Variants in SH3BGRL observed in about 807,000 individuals in gnomAD.
SH3BGRL encodes the protein SH3 domain binding glutamate rich protein like.
In SH3BGRL, 7 loss-of-function variants were observed where a neutral mutation model predicts 9.8. That is an observed-to-expected ratio of 0.72 (90% CI 0.41 to 1.35). The LOEUF is 1.35. Among genes scored for constraint, SH3BGRL ranks in the 40% most tolerant of loss-of-function variants. SH3BGRL has a pLI of 0.01. For missense variants in SH3BGRL, 73 were observed against 84.4 expected, an observed-to-expected ratio of 0.86 and a Z score of 0.53; for synonymous variants, 36 against 29.1, an observed-to-expected ratio of 1.24 and a Z score of -0.76.
intron 1 of SH3BGRL, among the ~76,000 whole-genome samples, chrX:81,254,088 C>T (rs934994668): frequency 8.9e-6 from 1 of 111,927 alleles, no homozygotes; most frequent in African/African-American, 3.3e-5. Flanking sequence ...AAATCTCAGA[C>T]TCCACCATTC....
At chrX:81,249,114 A>T (rs1034798024) in intron 1 of SH3BGRL, among the ~76,000 whole-genome samples, 8 of 109,626 alleles carry the variant, frequency 7.3e-5, no homozygotes, top group Non-Finnish European at 1.3e-4. Context: ...TTGGGAAAAC[A>T]AAACAAAACA....
At chrX:81,288,762 G>A (rs1602630686) in intron 3 of SH3BGRL, among the ~76,000 whole-genome samples, 1 of 111,759 alleles carries the variant, frequency 8.9e-6, no homozygotes. Context: ...AAAATGTAAA[G>A]CATTGATGAA....
intron 1 of SH3BGRL, among the ~76,000 whole-genome samples, chrX:81,251,705 C>A (rs919981771): frequency 3.6e-5 from 4 of 111,914 alleles, no homozygotes; most frequent in African/African-American, 1.3e-4. Context: ...TAATGTCCCA[C>A]TAAACTTTAA....
At chrX:81,283,469 C>T (rs1296788500) in intron 3 of SH3BGRL, among the ~76,000 whole-genome samples, 1 of 111,688 alleles carries the variant, frequency 9.0e-6, no homozygotes, top group Non-Finnish European at 1.9e-5. Context: ...GATAATCCAC[C>T]ATGATCAAAT....
At chrX:81,272,020 C>G (rs971051714) in intron 1 of SH3BGRL, among the ~76,000 whole-genome samples, 2 of 108,828 alleles carry the variant, frequency 1.8e-5, no homozygotes, top group African/African-American at 6.7e-5. Flanking sequence ...TGGTGAAACC[C>G]TGTCTCTACT....
chrX:81,271,696 C>T (rs2075780224), intron 1 of SH3BGRL, among the ~76,000 whole-genome samples: 1 of 111,197 alleles, frequency 9.0e-6, no homozygotes, highest in Non-Finnish European at 1.9e-5. Context: ...AGGAGAACTT[C>T]CCCAATCTAG....
At chrX:81,270,388 A>T (rs192389431) in intron 1 of SH3BGRL, among the ~76,000 whole-genome samples, 1 of 111,502 alleles carries the variant, frequency 9.0e-6, no homozygotes, top group East Asian at 2.8e-4. Context: ...TTGCTGATCT[A>T]TGGATGTGGT....
At chrX:81,235,844 T>G (rs921672665) in intron 1 of SH3BGRL, among the ~76,000 whole-genome samples, 2 of 111,544 alleles carry the variant, frequency 1.8e-5, no homozygotes, top group Non-Finnish European at 1.9e-5. Context: ...TTGTGTAACA[T>G]GCCATCATTT....
intron 3 of SH3BGRL, among the ~76,000 whole-genome samples, chrX:81,287,868 G>T (rs953910900): frequency 1.8e-5 from 2 of 108,499 alleles, no homozygotes; most frequent in Non-Finnish European, 3.8e-5. Context: ...GGAACGAATA[G>T]TTCCAAAATC....
intron 1 of SH3BGRL, among the ~76,000 whole-genome samples, chrX:81,222,031 T>C (rs2075601442): frequency 8.9e-6 from 1 of 112,248 alleles, no homozygotes; most frequent in Non-Finnish European, 1.9e-5. Flanking sequence ...AATTTTCTCT[T>C]AGTAAATTCT....
chrX:81,253,953 G>C (rs920315284), intron 1 of SH3BGRL, among the ~76,000 whole-genome samples: 1 of 111,456 alleles, frequency 9.0e-6, no homozygotes, highest in Non-Finnish European at 1.9e-5. Flanking sequence ...TTGAGGATCA[G>C]GAAGCAGGTA....
chrX:81,279,842 C>T (rs1407478622), intron 3 of SH3BGRL, among the ~76,000 whole-genome samples: 1 of 111,358 alleles, frequency 9.0e-6, no homozygotes, highest in African/African-American at 3.3e-5. Flanking sequence ...GGCCAGAACT[C>T]GGGGGAGGGT....
chrX:81,272,083 G>A (rs893246367), intron 1 of SH3BGRL, among the ~76,000 whole-genome samples: 17 of 108,290 alleles, frequency 1.6e-4, no homozygotes, highest in Middle Eastern at 4.8e-3. Context: ...TGTAGTCCCA[G>A]CTACTCAGGA....
At chrX:81,240,724 G>A (rs2075665960) in intron 1 of SH3BGRL, among the ~76,000 whole-genome samples, 1 of 112,728 alleles carries the variant, frequency 8.9e-6, no homozygotes, top group Non-Finnish European at 1.9e-5. Context: ...AGAAGACACA[G>A]AATAGTTAAA....
chrX:81,257,792 G>A (rs1262732148), intron 1 of SH3BGRL, among the ~76,000 whole-genome samples: 1 of 110,966 alleles, frequency 9.0e-6, no homozygotes, highest in Non-Finnish European at 1.9e-5. Context: ...ACACCAGGAG[G>A]TGGGGAACAT....
chrX:81,240,423 A>T (rs1182829536), intron 1 of SH3BGRL, among the ~76,000 whole-genome samples: 2 of 112,511 alleles, frequency 1.8e-5, no homozygotes, highest in Admixed American at 9.4e-5. Flanking sequence ...AATCTGAAAA[A>T]GAAATAAAAA....
intron 1 of SH3BGRL, among the ~76,000 whole-genome samples, chrX:81,275,304 G>A (rs1485286664): frequency 9.0e-6 from 1 of 110,784 alleles, no homozygotes; most frequent in East Asian, 2.8e-4. Context: ...TTCACACGTT[G>A]CCCAGGCCAG....
At chrX:81,238,309 G>A (rs1180515090) in intron 1 of SH3BGRL, among the ~76,000 whole-genome samples, 1 of 111,787 alleles carries the variant, frequency 8.9e-6, no homozygotes, top group African/African-American at 3.3e-5. Context: ...ACTACAAGCC[G>A]ACTTACGGGC....
intron 1 of SH3BGRL, among the ~76,000 whole-genome samples, chrX:81,266,614 T>A (rs1431948867): frequency 1.8e-5 from 2 of 111,800 alleles, no homozygotes; most frequent in African/African-American, 6.5e-5. Context: ...TGTAGCCTTG[T>A]AGTAAAGTTT....
Sources: gnomAD v4.1 joint callset for allele counts (sites outside exome capture counted in the v4.1 genomes callset) on GRCh38, gnomAD v4.1.1 for gene constraint, MANE v1.5 for transcripts, NCBI Gene and HGNC (gene_info 2026-07-23, HGNC 2026-07-21) for gene names.